The following MYO18A variants were observed in gnomAD, a reference collection of about 807,000 sequenced individuals.
MYO18A encodes myosin XVIIIA, also known as unconventional myosin-XVIIIa.
MYO18A carries 78 observed loss-of-function variants against 235.8 expected under a neutral mutation model. That is an observed-to-expected ratio of 0.33 (90% CI 0.28 to 0.40). The LOEUF (loss-of-function observed/expected upper bound fraction) is 0.40, where lower values mean the gene tolerates loss of function less well. Among genes scored for constraint, MYO18A ranks in the 10% least tolerant of loss-of-function variants. MYO18A has a pLI of 1.00. For synonymous variants in MYO18A, 977 were observed against 1,077.8 expected (o/e 0.91, Z 1.83); for missense variants, 2,215 against 2,699.3 (o/e 0.82, Z 3.98).
chr17:29,089,864 T>G (rs1391418543), intron 37 of MYO18A, 97 bp downstream of exon 37: 2 of 1,501,310 alleles, frequency 1.3e-6, no homozygotes, highest in Non-Finnish European at 1.8e-6. Flanking sequence ...CTCTGAGGAC[T>G]GTCCGGGGGC....
At position 29,111,748 on chromosome 17, in the gene MYO18A, T is replaced by C. The variant is rs377584199; in HGVS notation, c.2714A>G (p.Tyr905Cys). ...DTLLERLFSY[Y>C]GPQEGDKKGQ... is the part of the protein sequence containing the mutation. ...TTTTTTGTCACCTTCCTGGGGGCCA[T>C]AATAGGAGAAAAGGCGCTCCAGGAG... The change falls in exon 16 of 42, where the codon TAT (tyrosine) becomes TGT (cysteine). Residue 905 changes from tyrosine (Y) to cysteine (C), a missense_variant. Tyr to Cys is a radical substitution (Grantham distance 194). Coordinates refer to ENST00000527372, the MANE Select transcript of MYO18A (RefSeq NM_078471.4). The surrounding 1 kb of genome is among the most constrained non-coding windows in gnomAD (Gnocchi z 5.1). The C allele has an allele frequency of 6.2e-7, 1 of 1,613,502 alleles. No individual in the cohort carries two copies. The highest frequency in any genetic ancestry group is 1.3e-5 in the African/African-American group (1 of 74,850).
rs192982140 is a variant in MYO18A at position 29,117,357 on chromosome 17, G to A, written c.2038+688C>T. ...ACCCTGACATGCAAGAGGAAGATAC[G>A]GAGCTACCCAACCAGTGGAGAAGGG... On this transcript the variant is annotated intron_variant, in intron 10 of 41. Coordinates refer to ENST00000527372, the MANE Select transcript of MYO18A (RefSeq NM_078471.4). This position sits in a 1 kb window ranked among gnomAD's most constrained non-coding sequence, Gnocchi z 4.6. Among the ~76,000 whole-genome samples, 3 of 151,762 alleles carry A rather than the reference G, an allele frequency of 2.0e-5. No individual in the cohort carries two copies. In the East Asian group the frequency reaches 5.8e-4, roughly 29 times the overall value.
rs878859047 is a variant in MYO18A at position 29,166,210 on chromosome 17, C to A, written c.731G>T (p.Gly244Val). The A allele has an allele frequency of 3.7e-6, 6 of 1,612,822 alleles. No homozygotes were observed. Among genetic ancestry groups the A allele is most frequent in the Middle Eastern group, 3.3e-4 (2 of 6,062 alleles). Residue 244 changes from glycine to valine, a missense_variant, in exon 2 of 42, where the codon GGC becomes GTC. Coordinates refer to ENST00000527372, the MANE Select transcript of MYO18A (RefSeq NM_078471.4). Reference sequence around the variant, plus strand: ...ACGCCGACAGGCCTGGCCCTCGGGGCCCCGATCCAGCATGGTTGTGCGCCG... The same window carrying A: ...ACGCCGACAGGCCTGGCCCTCGGGGACCCGATCCAGCATGGTTGTGCGCCG... Reference protein sequence around the residue: ...SLRRTTMLDRGPEGQACRRVV... With the variant: ...SLRRTTMLDRVPEGQACRRVV...
rs768645201 is a variant in MYO18A, at chr17:29,093,949, C to T, written c.4821+31G>A. Reference sequence around the variant, plus strand: ...AAGCGGTGATGGGAACAGGTGTTTACGCTGGACAGGTAAGTACTCAGATAC... The same window carrying T: ...AAGCGGTGATGGGAACAGGTGTTTATGCTGGACAGGTAAGTACTCAGATAC... On this transcript the variant is annotated intron_variant, in intron 31 of 41. Transcript: ENST00000527372. 43 of 1,510,348 alleles carry T rather than the reference C, an allele frequency of 2.8e-5. 1 individual carries two copies. The South Asian group carries it at 2.9e-4, about 10-fold the overall frequency. The allele number at this position is 1,510,348 out of a possible 1,614,324, so 93.6% of individuals were successfully genotyped here. A position where few individuals can be genotyped will look rare whatever the true frequency, so the allele number is the denominator to read the frequency against.
At chr17:29,169,408 A>C (rs1275360303) in intron 1 of MYO18A, among the ~76,000 whole-genome samples, 1 of 152,114 alleles carries the variant, frequency 6.6e-6, no homozygotes, top group Non-Finnish European at 1.5e-5. Flanking sequence ...AAAACAGGAA[A>C]TCTAGGGCCC....
At chr17:29,090,473 C>A in intron 36 of MYO18A, 59 bp downstream of exon 36, 1 of 1,460,838 alleles carries the variant, frequency 6.8e-7, no homozygotes, top group South Asian at 1.2e-5. Flanking sequence ...CTTGGGGGTT[C>A]CTCCCACACC....
chr17:29,098,030 T>C, intron 25 of MYO18A, 75 bp downstream of exon 25: 2 of 1,590,770 alleles, frequency 1.3e-6, no homozygotes, highest in Non-Finnish European at 8.6e-7. Context: ...ATGCCAACTG[T>C]CTTTGGGGGG....
chr17:29,103,356 A>G (rs1260385233), intron 21 of MYO18A, among the ~76,000 whole-genome samples: 2 of 152,234 alleles, frequency 1.3e-5, no homozygotes, highest in African/African-American at 4.8e-5. Context: ...TCCACTGAAC[A>G]AGCCAGTTAT....
At chr17:29,152,706 G>T (rs2067984933) in intron 2 of MYO18A, among the ~76,000 whole-genome samples, 1 of 152,088 alleles carries the variant, frequency 6.6e-6, no homozygotes, top group Non-Finnish European at 1.5e-5. Flanking sequence ...AGATTAATGA[G>T]GATGATGATA....
intron 2 of MYO18A, among the ~76,000 whole-genome samples, chr17:29,131,667 G>A (rs952562132): frequency 1.3e-5 from 2 of 152,240 alleles, no homozygotes; most frequent in Non-Finnish European, 2.9e-5. Flanking sequence ...AAAAAGCCAA[G>A]TACCCTTGCC....
At position 29,125,592 on chromosome 17, in the gene MYO18A, C is replaced by T. The variant is rs903818074; in HGVS notation, c.1000-3339G>A. Among the ~76,000 whole-genome samples, 16 of 152,226 alleles carry T rather than the reference C, an allele frequency of 1.1e-4. No individual in the cohort carries two copies. Among genetic ancestry groups the T allele is most frequent in the Non-Finnish European group, 5.9e-5 (4 of 68,046 alleles). On this transcript the variant is annotated intron_variant, in intron 2 of 41. Coordinates refer to ENST00000527372, the MANE Select transcript of MYO18A (RefSeq NM_078471.4). This position sits in a 1 kb window ranked among gnomAD's most constrained non-coding sequence, Gnocchi z 5.1. ...AGCGACAGCAACCTTCCTTACCACC[C>T]GCCAGGCCCTGACACCAACACATGT...
Position 29,090,628 on chromosome 17 carries a change from TGA to T in MYO18A, c.5305-15_5305-14del, listed in dbSNP as rs2066374775. Reference sequence around the variant, plus strand: ...GGTCCCGGGAAGCCTGGGAAAGGAATGAGAGCATCAGAAGCAGGATCCCCCAT... The same window carrying T: ...GGTCCCGGGAAGCCTGGGAAAGGAATGAGCATCAGAAGCAGGATCCCCCAT... On this transcript the variant is annotated splice_polypyrimidine_tract_variant and intron_variant, in intron 35 of 41. Coordinates refer to ENST00000527372, the MANE Select transcript of MYO18A (RefSeq NM_078471.4). The T allele has an allele frequency of 8.1e-6, 13 of 1,595,518 alleles. No individual in the cohort carries two copies. The highest frequency in any genetic ancestry group is 1.0e-5 in the Non-Finnish European group (12 of 1,170,328).
In MYO18A at chr17:29,115,703, G is replaced by A. The variant is rs372065141; in HGVS notation, c.2188C>T (p.Arg730Cys). ...GGTLQRSTSF[R>C]QGPEESGLGD... ...AGGCCACTCTCCTCGGGGCCCTGGC[G>A]GAAGGAGGTGGAGCGCTGCAGGGTG... Residue 730 changes from arginine (R) to cysteine (C), a missense_variant, in exon 12 of 42, where the codon CGC (arginine) becomes TGC (cysteine). By Grantham distance (180) the Arg-to-Cys change is radical. Coordinates refer to ENST00000527372, the MANE Select transcript of MYO18A (RefSeq NM_078471.4). The A allele has an allele frequency of 2.6e-5, 41 of 1,606,088 alleles. No homozygotes were observed. The highest frequency in any genetic ancestry group is 6.7e-5 in the East Asian group (3 of 44,702).
rs769742803 is a variant in MYO18A at position 29,098,235 on chromosome 17, G to T, written c.3871-11C>A. 2 of 1,613,884 alleles carry T rather than the reference G, an allele frequency of 1.2e-6. No individual in the cohort carries two copies. The highest frequency in any genetic ancestry group is 1.7e-6 in the Non-Finnish European group (2 of 1,179,814). On this transcript the variant is annotated splice_polypyrimidine_tract_variant and intron_variant, in intron 24 of 41. Coordinates refer to ENST00000527372, the MANE Select transcript of MYO18A (RefSeq NM_078471.4). ...TGTCAGCTCTGAGATCTGGGGTTGG[G>T]GGTAGGGAGTCACCACCAGTTGAAG...
rs757941240 is a variant in MYO18A, at chr17:29,091,023, A to C, written c.5188-97T>G. The C allele has an allele frequency of 4.1e-6, 4 of 984,712 alleles. No homozygotes were observed. In the East Asian group the frequency reaches 9.6e-5, roughly 24 times the overall value. The allele number at this position is 984,712 out of a possible 1,614,324, so 61.0% of individuals were successfully genotyped here. A position where few individuals can be genotyped will look rare whatever the true frequency, so the allele number is the denominator to read the frequency against. ...GCAGGGGCATTGTAGAGAAGATGAT[A>C]ATGGGCTGAGCCTGCCTGCTGGGGT... On this transcript the variant is annotated intron_variant, in intron 34 of 41. Transcript: ENST00000527372.
At chr17:29,108,127 GCA>G (rs1476643769) in intron 19 of MYO18A, among the ~76,000 whole-genome samples, 1 of 151,970 alleles carries the variant, frequency 6.6e-6, no homozygotes, top group African/African-American at 2.4e-5. Flanking sequence ...CAGGTAAAAA[GCA>G]CAGTGTGACT....
chr17:29,115,545 G>A, intron 12 of MYO18A, 104 bp from the exon 13 acceptor site: 1 of 1,468,294 alleles, frequency 6.8e-7, no homozygotes, highest in East Asian at 2.5e-5. Context: ...CCTGGGGCAG[G>A]GCCTCTGCCA....
In MYO18A at chr17:29,074,239, C is replaced by T; in HGVS notation, c.*531G>A. The T allele has an allele frequency of 6.5e-7, 1 of 1,527,958 alleles. No homozygotes were observed. Among genetic ancestry groups the T allele is most frequent in the Non-Finnish European group, 8.9e-7 (1 of 1,127,140 alleles). The allele number at this position is 1,527,958 out of a possible 1,614,324, so 94.7% of individuals were successfully genotyped here. A position where few individuals can be genotyped will look rare whatever the true frequency, so the allele number is the denominator to read the frequency against. On this transcript the variant is annotated 3_prime_UTR_variant, in exon 42 of 42. Transcript: ENST00000527372. The surrounding 1 kb of genome is among the most constrained non-coding windows in gnomAD (Gnocchi z 4.4). ...TGGGAGCCCCAGCTACCACTACAGCCCCCTCCCACTCTCAGGGATGCAGCT... is the reference window on the plus strand; with the variant it reads ...TGGGAGCCCCAGCTACCACTACAGCTCCCTCCCACTCTCAGGGATGCAGCT...
At chr17:29,134,170 C>T (rs1055062271) in intron 2 of MYO18A, among the ~76,000 whole-genome samples, 5 of 152,148 alleles carry the variant, frequency 3.3e-5, no homozygotes, top group Admixed American at 2.0e-4. Context: ...GGTGCCATCT[C>T]GGCTCACTGC....
Sources: allele counts gnomAD v4.1 joint callset (sites outside exome capture counted in the v4.1 genomes callset), GRCh38; gene constraint gnomAD v4.1.1; non-coding constraint Gnocchi (gnomAD v3.1); transcripts MANE v1.5; gene names NCBI Gene and HGNC (gene_info 2026-07-23, HGNC 2026-07-21).